OR2M4: variants seen among roughly 807,000 people sequenced by gnomAD.
OR2M4 encodes the protein olfactory receptor family 2 subfamily M member 4.
A neutral mutation model predicts 13.7 loss-of-function variants in OR2M4; 8 were observed. The ratio of observed to expected loss-of-function variants is 0.58; its 90% CI spans 0.34 to 1.05. The LOEUF (loss-of-function observed/expected upper bound fraction) is 1.05. Ranked by LOEUF, OR2M4 falls within the 50% of genes least tolerant of loss-of-function variation. The pLI is 0.02. For synonymous variants in OR2M4, 152 were observed against 141.3 expected, an observed-to-expected ratio of 1.08 and a Z score of -0.53; for missense variants, 374 against 381.6, an observed-to-expected ratio of 0.98 and a Z score of 0.17.
rs920719493 is a variant in OR2M4 at position 248,241,100 on chromosome 1, GC to G, written c.*1240del. ...TAGGTGAGTCCTAGTGCTGAATTGGGCCCCGAGATAGTGGACTGTGCGGCGG... is the reference window on the plus strand; with the variant it reads ...TAGGTGAGTCCTAGTGCTGAATTGGGCCCGAGATAGTGGACTGTGCGGCGG... On this transcript the variant is annotated 3_prime_UTR_variant, in exon 2 of 2. Transcript: ENST00000641868. 2.0e-5 allele frequency: 3 copies of G among 152,208 alleles called. No individual in the cohort carries two copies. Among genetic ancestry groups the G allele is most frequent in the Admixed American group, 2.0e-4 (3 of 15,276 alleles). The allele number at this position is 152,208 out of a possible 1,614,324, so 9.4% of individuals were successfully genotyped here.
Position 248,238,965 on chromosome 1 carries a change from A to C in OR2M4, c.37A>C (p.Ile13Leu). The change falls in exon 2 of 2, where the codon ATC (isoleucine) becomes CTC (leucine). Residue 13 changes from isoleucine (I) to leucine (L), a missense_variant. Ile to Leu is a conservative substitution (Grantham distance 5). Transcript: ENST00000641868. ...WENQTFNSIF[I>L]LLGIFNHSPT... is the part of the protein sequence containing the mutation. ...AAACCAGACCTTCAACTCCATCTTC[A>C]TCCTGCTGGGAATCTTCAATCACAG... 1 of 1,610,264 alleles carries C rather than the reference A, an allele frequency of 6.2e-7. No individual in the cohort carries two copies.
intron 1 of OR2M4, 75 bp from the exon 2 acceptor site, chr1:248,238,835 C>G (rs1444009122): frequency 5.5e-6 from 5 of 911,718 alleles, no homozygotes. Flanking sequence ...TATAAACTGC[C>G]CAGTAGAGTA....
In OR2M4 at chr1:248,239,518, G is replaced by C; in HGVS notation, c.590G>C (p.Arg197Thr). Residue 197 changes from arginine to threonine, a missense_variant, in exon 2 of 2, where the codon AGA becomes ACA. Arg to Thr is a moderately conservative substitution (Grantham distance 71, BLOSUM62 -1). Transcript: ENST00000641868. The part of the protein sequence containing the change: ...LSCTETSAFE[R>T]LLVICCVVML... ...TGCACAGAAACATCTGCATTTGAAA[G>C]ACTACTTGTCATTTGTTGTGTGGTA... The C allele has an allele frequency of 2.5e-6, 4 of 1,614,072 alleles. No individual in the cohort carries two copies. The highest frequency in any genetic ancestry group is 3.4e-6 in the Non-Finnish European group (4 of 1,179,996).
At chr1:248,233,430 C>A (rs996400811) in intron 1 of OR2M4, among the ~76,000 whole-genome samples, 1 of 151,684 alleles carries the variant, frequency 6.6e-6, no homozygotes, top group Non-Finnish European at 1.5e-5. Context: ...ATGGATACAT[C>A]CAAGAAAAAA....
Position 248,239,875 on chromosome 1 carries a change from A to T in OR2M4, c.*11A>T. 1 of 1,544,942 alleles carries T rather than the reference A, an allele frequency of 6.5e-7. No homozygotes were observed. Among genetic ancestry groups the T allele is most frequent in the Non-Finnish European group, 8.7e-7 (1 of 1,143,902 alleles). ...AGAAAGTTAATATGACCTTATCAAA[A>T]TCTTTTTGAGTGCCTACTGTGGTCA... On this transcript the variant is annotated 3_prime_UTR_variant, in exon 2 of 2. Coordinates refer to ENST00000641868, the MANE Select transcript of OR2M4 (RefSeq NM_017504.2).
At chr1:248,237,469 C>T (rs1427403267) in intron 1 of OR2M4, among the ~76,000 whole-genome samples, 1 of 152,008 alleles carries the variant, frequency 6.6e-6, no homozygotes, top group African/African-American at 2.4e-5. Context: ...GCCTGACCAA[C>T]ATGGTGTAAC....
At chr1:248,231,792 A>G (rs1666507930) in intron 1 of OR2M4, among the ~76,000 whole-genome samples, 1 of 152,114 alleles carries the variant, frequency 6.6e-6, no homozygotes, top group South Asian at 2.1e-4. Flanking sequence ...AGTATCCTGG[A>G]AATGTCCTCA....
In OR2M4 at chr1:248,237,972, AAAG is replaced by A. The variant is rs1478835492; in HGVS notation, c.-19-932_-19-930del. Among the ~76,000 whole-genome samples, 8 of 152,316 alleles carry A rather than the reference AAAG, an allele frequency of 5.3e-5. No individual in the cohort carries two copies. In the East Asian group the frequency reaches 1.3e-3, roughly 26 times the overall value. On this transcript the variant is annotated intron_variant, in intron 1 of 1. Transcript: ENST00000641868. ...TTTGATTTATAACACTTTATTGTAAAAAGAAGAAATCAATTTTTTCAAAAATAC... is the reference window on the plus strand; with the variant it reads ...TTTGATTTATAACACTTTATTGTAAAAAGAAATCAATTTTTTCAAAAATAC...
At chr1:248,236,345 G>A (rs1482671594) in intron 1 of OR2M4, among the ~76,000 whole-genome samples, 1 of 152,100 alleles carries the variant, frequency 6.6e-6, no homozygotes, top group Non-Finnish European at 1.5e-5. Context: ...CAGAAATCAA[G>A]GAGTTCTTTG....
At position 248,239,405 on chromosome 1, in the gene OR2M4, G is replaced by A; in HGVS notation, c.477G>A (p.Val159=). 6.2e-7 allele frequency: 1 copy of A among 1,614,012 alleles called. No homozygotes were observed. Among genetic ancestry groups the A allele is most frequent in the Non-Finnish European group, 8.5e-7 (1 of 1,180,008 alleles). Reference sequence around the variant, plus strand: ...TGGGGTCTCTTGATGGGATCATAGTGCTTGCAGCTGTCCTGTCATTTTCTT... The same window carrying A: ...TGGGGTCTCTTGATGGGATCATAGTACTTGCAGCTGTCCTGTCATTTTCTT... ...WTLGSLDGII[V]LAAVLSFSYC... Residue 159 remains valine, a synonymous_variant, in exon 2 of 2, where the codon GTG becomes GTA. Transcript: ENST00000641868.
At chr1:248,234,283 T>A (rs906769061) in intron 1 of OR2M4, among the ~76,000 whole-genome samples, 11 of 151,314 alleles carry the variant, frequency 7.3e-5, no homozygotes, top group African/African-American at 2.7e-4. Context: ...TCAAATATTT[T>A]TTTTTTTTAA....
At chr1:248,234,496 T>C (rs1214896775) in intron 1 of OR2M4, among the ~76,000 whole-genome samples, 1 of 152,134 alleles carries the variant, frequency 6.6e-6, no homozygotes, top group Non-Finnish European at 1.5e-5. Context: ...CCCCCACCGC[T>C]GTGTCCATGT....
In OR2M4 at chr1:248,240,080, AATTAT is replaced by A. The variant is rs1666603539; in HGVS notation, c.*222_*226del. ...AAGTGGTTTAATCCCTGTGAATGAC[AATTAT>A]ATTATTAGGTGTCACACATGGGTGG... is the stretch of plus-strand genomic sequence containing the variant. On this transcript the variant is annotated 3_prime_UTR_variant, in exon 2 of 2. Transcript: ENST00000641868. The A allele has an allele frequency of 2.4e-6, 1 of 409,906 alleles. No individual in the cohort carries two copies. The highest frequency in any genetic ancestry group is 4.3e-6 in the Non-Finnish European group (1 of 232,528). The allele number at this position is 409,906 out of a possible 1,614,324, so 25.4% of individuals were successfully genotyped here.
Position 248,241,993 on chromosome 1 carries a change from G to A in OR2M4, c.*2129G>A, listed in dbSNP as rs1666623757. On this transcript the variant is annotated 3_prime_UTR_variant, in exon 2 of 2. Coordinates refer to ENST00000641868, the MANE Select transcript of OR2M4 (RefSeq NM_017504.2). ...CAAGTCAAAAATTTAGATTTATTGGGATTTTAAAAGAAGATAATACTATGT... is the reference window on the plus strand; with the variant it reads ...CAAGTCAAAAATTTAGATTTATTGGAATTTTAAAAGAAGATAATACTATGT... The A allele has an allele frequency of 6.6e-6, 1 of 152,116 alleles. No individual in the cohort carries two copies. Among genetic ancestry groups the A allele is most frequent in the African/African-American group, 2.4e-5 (1 of 41,420 alleles). 9.4% of individuals were successfully genotyped at this position (152,116 alleles called of 1,614,324 possible). A position where few individuals can be genotyped will look rare whatever the true frequency, so the allele number is the denominator to read the frequency against.
chr1:248,236,348 G>A (rs1056095038), intron 1 of OR2M4, among the ~76,000 whole-genome samples: 1 of 152,174 alleles, frequency 6.6e-6, no homozygotes, highest in Non-Finnish European at 1.5e-5. Context: ...AAATCAAGGA[G>A]TTCTTTGAAA....
In OR2M4 at chr1:248,239,240, T is replaced by C. The variant is rs192794351; in HGVS notation, c.312T>C (p.Tyr104=). The change falls in exon 2 of 2, where the codon TAT becomes TAC. Residue 104 remains tyrosine, a synonymous_variant. Transcript: ENST00000641868. ...LAGCGTQIFF[Y]VSLLGAECFL... Reference sequence around the variant, plus strand: ...GTTGTGGAACTCAGATATTCTTCTATGTGTCCCTGCTTGGAGCTGAATGTT... The same window carrying C: ...GTTGTGGAACTCAGATATTCTTCTACGTGTCCCTGCTTGGAGCTGAATGTT... 2.5e-6 allele frequency: 4 copies of C among 1,614,152 alleles called. No individual in the cohort carries two copies. In the South Asian group the frequency reaches 4.4e-5, roughly 18 times the overall value.
intron 1 of OR2M4, among the ~76,000 whole-genome samples, chr1:248,233,995 G>A (rs1447982911): frequency 6.6e-6 from 1 of 152,126 alleles, no homozygotes; most frequent in East Asian, 1.9e-4. Context: ...GGATAAAGAA[G>A]GTGTTTGCTC....
At chr1:248,234,105 C>T (rs896747192) in intron 1 of OR2M4, among the ~76,000 whole-genome samples, 2 of 152,140 alleles carry the variant, frequency 1.3e-5, no homozygotes, top group African/African-American at 2.4e-5. Flanking sequence ...CACTTCACAT[C>T]TTTAGTCCAC....
Position 248,239,245 on chromosome 1 carries a change from C to T in OR2M4, c.317C>T (p.Ser106Phe). ...GGAACTCAGATATTCTTCTATGTGT[C>T]CCTGCTTGGAGCTGAATGTTTCTTG... ...GCGTQIFFYVSLLGAECFLLA... is the reference protein window; with the variant it reads ...GCGTQIFFYVFLLGAECFLLA... Residue 106 changes from serine (S) to phenylalanine (F), a missense_variant, in exon 2 of 2, where the codon TCC becomes TTC. By Grantham distance (155) the Ser-to-Phe change is radical. Transcript: ENST00000641868. 1 of 1,614,048 alleles carries T rather than the reference C, an allele frequency of 6.2e-7. No homozygotes were observed. The highest frequency in any genetic ancestry group is 8.5e-7 in the Non-Finnish European group (1 of 1,180,006).
Sources: allele counts gnomAD v4.1 joint callset (sites outside exome capture counted in the v4.1 genomes callset), GRCh38; gene constraint gnomAD v4.1.1; transcripts MANE v1.5; gene names NCBI Gene and HGNC (gene_info 2026-07-23, HGNC 2026-07-21).